SRPK2: variants seen among roughly 807,000 people sequenced by gnomAD.
SRPK2 encodes SRSF protein kinase 2.
In SRPK2, 21 loss-of-function variants were observed where a neutral mutation model predicts 90.8. That is an observed-to-expected ratio of 0.23 (90% CI 0.16 to 0.33). The LOEUF (loss-of-function observed/expected upper bound fraction) is 0.33, where lower values mean the gene tolerates loss of function less well. Among genes scored for constraint, SRPK2 ranks in the 10% least tolerant of loss-of-function variants. The pLI is 1.00. For missense variants in SRPK2, 620 were observed against 869.0 expected, an observed-to-expected ratio of 0.71 and a Z score of 3.60; for synonymous variants, 288 against 311.1, an observed-to-expected ratio of 0.93 and a Z score of 0.78.
rs184628326 is a variant in SRPK2 at position 105,306,652 on chromosome 7, T to C, written c.71+81996A>G. The C allele has an allele frequency of 1.9e-4, 71 of 367,502 alleles. 3 individuals are homozygous for C. The highest frequency in any genetic ancestry group is 7.3e-4 in the Admixed American group (18 of 24,508). The allele number at this position is 367,502 out of a possible 1,614,324, so 22.8% of individuals were successfully genotyped here. On this transcript the variant is annotated intron_variant, in intron 2 of 15. Transcript: ENST00000393651. ...CTCGTTGGCAAGATGCCACCTTCAG[T>C]TGGAAAAGCATTTAACCGAAACACT...
At chr7:105,376,047 GC>G (rs1820253053) in intron 2 of SRPK2, among the ~76,000 whole-genome samples, 1 of 134,894 alleles carries the variant, frequency 7.4e-6, no homozygotes, top group African/African-American at 2.9e-5. Context: ...AGGCTGGAGT[GC>G]AGTGTCGTGA....
intron 2 of SRPK2, among the ~76,000 whole-genome samples, chr7:105,359,409 T>C (rs1277410417): frequency 6.6e-6 from 1 of 151,954 alleles, no homozygotes; most frequent in Non-Finnish European, 1.5e-5. Context: ...CTGCCCTCCT[T>C]GGCCTCCCAA....
intron 2 of SRPK2, 131 bp from the exon 3 acceptor site, chr7:105,203,916 C>G (rs57280586): frequency 8.8e-6 from 10 of 1,139,224 alleles, no homozygotes; most frequent in Non-Finnish European, 9.7e-6. Flanking sequence ...CATTTAATGT[C>G]ACTTCACCCA....
At chr7:105,372,379 G>C (rs2132471281) in intron 2 of SRPK2, among the ~76,000 whole-genome samples, 2 of 152,254 alleles carry the variant, frequency 1.3e-5, no homozygotes, top group South Asian at 4.1e-4. Context: ...ACTATTTCAT[G>C]TATATCCATA....
At chr7:105,209,949 T>C (rs1381408966) in intron 2 of SRPK2, among the ~76,000 whole-genome samples, 1 of 152,196 alleles carries the variant, frequency 6.6e-6, no homozygotes, top group Non-Finnish European at 1.5e-5. Flanking sequence ...TATCATACTA[T>C]AATACTAAAA....
chr7:105,313,732 C>A (rs752291225), intron 2 of SRPK2, among the ~76,000 whole-genome samples: 35 of 152,058 alleles, frequency 2.3e-4, no homozygotes, highest in African/African-American at 8.2e-4. Context: ...GCCTGGACAA[C>A]AGAGCGAGAC....
At chr7:105,376,803 G>A (rs1201619276) in intron 2 of SRPK2, among the ~76,000 whole-genome samples, 1 of 150,564 alleles carries the variant, frequency 6.6e-6, no homozygotes. Flanking sequence ...CTACCAAAGT[G>A]CTAGGATTAC....
chr7:105,329,612 A>G (rs1177985769), intron 2 of SRPK2, among the ~76,000 whole-genome samples: 2 of 151,758 alleles, frequency 1.3e-5, no homozygotes, highest in Admixed American at 1.3e-4. Flanking sequence ...AAAAAAATAG[A>G]AGGCTAGGAA....
chr7:105,187,605 T>C (rs186674591), intron 3 of SRPK2, among the ~76,000 whole-genome samples: 3 of 152,306 alleles, frequency 2.0e-5, no homozygotes, highest in South Asian at 2.1e-4. Flanking sequence ...TCCTTCCGTC[T>C]TGAAAACTCT....
chr7:105,380,115 A>T (rs922891031), intron 2 of SRPK2, among the ~76,000 whole-genome samples: 7 of 152,238 alleles, frequency 4.6e-5, no homozygotes, highest in African/African-American at 1.7e-4. Context: ...ATCTCTAAAA[A>T]AGAAAATTAA....
chr7:105,318,253 C>G (rs1435427906), intron 2 of SRPK2, among the ~76,000 whole-genome samples: 1 of 152,046 alleles, frequency 6.6e-6, no homozygotes, highest in Admixed American at 6.6e-5. Context: ...CGCCAGGTCG[C>G]CCAGCTAATT....
At chr7:105,159,456 A>AC in intron 7 of SRPK2, among the ~76,000 whole-genome samples, 7 of 144,736 alleles carry the variant, frequency 4.8e-5, no homozygotes, top group African/African-American at 1.8e-4. Context: ...TCCAAAAAAA[A>AC]AAAAAAAAAA....
At chr7:105,328,760 G>T (rs1039861400) in intron 2 of SRPK2, among the ~76,000 whole-genome samples, 1 of 151,332 alleles carries the variant, frequency 6.6e-6, no homozygotes, top group African/African-American at 2.4e-5. Flanking sequence ...AGCTACTCAG[G>T]AGGCTGAGGC....
At chr7:105,183,791 GGCT>G (rs1418852997) in intron 3 of SRPK2, among the ~76,000 whole-genome samples, 2 of 151,978 alleles carry the variant, frequency 1.3e-5, no homozygotes, top group African/African-American at 4.8e-5. Flanking sequence ...CGCCCTGCGT[GGCT>G]GTTTTTAAGA....
intron 15 of SRPK2, among the ~76,000 whole-genome samples, chr7:105,118,572 G>GAT (rs1799886632): frequency 6.6e-6 from 1 of 152,076 alleles, no homozygotes; most frequent in African/African-American, 2.4e-5. Flanking sequence ...AATGGCCTAC[G>GAT]AGCTGTAATG....
chr7:105,324,090 G>A (rs1026327297), intron 2 of SRPK2, among the ~76,000 whole-genome samples: 10 of 148,992 alleles, frequency 6.7e-5, no homozygotes, highest in Admixed American at 1.3e-4. Flanking sequence ...TCCACCTCCC[G>A]GGTTCAAGCG....
intron 15 of SRPK2, among the ~76,000 whole-genome samples, chr7:105,118,881 A>C (rs989283317): frequency 6.6e-6 from 1 of 152,226 alleles, no homozygotes. Context: ...ACTGCACTCC[A>C]TCCTGGGACA....
chr7:105,133,151 T>G, intron 11 of SRPK2, 47 bp from the exon 12 acceptor site: 1 of 1,575,330 alleles, frequency 6.3e-7, no homozygotes, highest in Non-Finnish European at 8.7e-7. Flanking sequence ...GATAGGTGGT[T>G]TGCATGTGTG....
At chr7:105,362,071 CCTAT>C (rs1585889170) in intron 2 of SRPK2, among the ~76,000 whole-genome samples, 1 of 152,078 alleles carries the variant, frequency 6.6e-6, no homozygotes, top group African/African-American at 2.4e-5. Flanking sequence ...TTACAATCTA[CCTAT>C]CTGACAAAGG....
Sources: allele counts gnomAD v4.1 joint callset (sites outside exome capture counted in the v4.1 genomes callset), GRCh38; gene constraint gnomAD v4.1.1; transcripts MANE v1.5; gene names NCBI Gene and HGNC (gene_info 2026-07-23, HGNC 2026-07-21).